The following TMEM132B variants were observed in gnomAD, a reference collection of about 807,000 sequenced individuals.
The protein encoded by TMEM132B is transmembrane protein 132B.
TMEM132B carries 18 observed loss-of-function variants against 90.8 expected under a neutral mutation model. The ratio of observed to expected loss-of-function variants is 0.20; its 90% CI spans 0.14 to 0.29. The LOEUF is 0.29. TMEM132B is among the 10% of genes least tolerant of loss of function. TMEM132B has a pLI of 1.00. For missense variants in TMEM132B, 1,096 were observed against 1,326.8 expected (o/e 0.83, Z 2.70); for synonymous variants, 504 against 523.3 (o/e 0.96, Z 0.50).
rs566113518 is a variant in TMEM132B at position 125,537,310 on chromosome 12, A to G, written c.1293+17685A>G. On this transcript the variant is annotated intron_variant, in intron 4 of 8. Transcript: ENST00000682704. ...GCATTAAAAACATTTCCCATAAAAC[A>G]CTGCAATAGGATAAATTTCCAAAAG... 2.6e-5 allele frequency among the ~76,000 whole-genome samples: 4 copies of G among 152,346 alleles called. 1 individual carries two copies. Among genetic ancestry groups the G allele is most frequent in the African/African-American group, 4.8e-5 (2 of 41,578 alleles).
rs138454206 is a variant in TMEM132B at position 125,375,874 on chromosome 12, T to G, written c.959+25531T>G. On this transcript the variant is annotated intron_variant, in intron 2 of 8. Transcript: ENST00000682704. Reference sequence around the variant, plus strand: ...GAATGACTTTTGTCTTCAAGTCATCTTAGAGGCCACCTAAAATCAGTCTGC... The same window carrying G: ...GAATGACTTTTGTCTTCAAGTCATCGTAGAGGCCACCTAAAATCAGTCTGC... 2.0e-5 allele frequency among the ~76,000 whole-genome samples: 3 copies of G among 152,360 alleles called. No homozygotes were observed. In the East Asian group the frequency reaches 5.8e-4, roughly 29 times the overall value.
intron 3 of TMEM132B, among the ~76,000 whole-genome samples, chr12:125,439,649 A>T (rs1475167383): frequency 6.6e-6 from 1 of 152,158 alleles, no homozygotes; most frequent in Non-Finnish European, 1.5e-5. Flanking sequence ...TCCTATTTGA[A>T]TGCCCTTTAT....
At chr12:125,454,692 T>C (rs2136457431) in intron 3 of TMEM132B, among the ~76,000 whole-genome samples, 1 of 152,386 alleles carries the variant, frequency 6.6e-6, no homozygotes, top group Admixed American at 6.5e-5. Context: ...CATTCCATTC[T>C]GGATGATCCT....
At chr12:125,198,388 CTTTT>C (rs1005223084) in intron 1 of TMEM132B, among the ~76,000 whole-genome samples, 9 of 152,330 alleles carry the variant, frequency 5.9e-5, no homozygotes, top group African/African-American at 1.9e-4. Flanking sequence ...TCTCTTAGTT[CTTTT>C]TCTCTCTGTG....
At chr12:125,613,757 T>C (rs1885920306) in intron 5 of TMEM132B, among the ~76,000 whole-genome samples, 1 of 152,046 alleles carries the variant, frequency 6.6e-6, no homozygotes, top group South Asian at 2.1e-4. Flanking sequence ...AATGCATTAT[T>C]ATAATTAGAC....
At chr12:125,470,534 G>T (rs1881686249) in intron 3 of TMEM132B, among the ~76,000 whole-genome samples, 1 of 152,168 alleles carries the variant, frequency 6.6e-6, no homozygotes, top group Non-Finnish European at 1.5e-5. Context: ...GTCTGTCTTT[G>T]TTTAACCGAG....
At chr12:125,345,248 T>C (rs981956471) in intron 1 of TMEM132B, among the ~76,000 whole-genome samples, 1 of 152,168 alleles carries the variant, frequency 6.6e-6, no homozygotes, top group Non-Finnish European at 1.5e-5. Flanking sequence ...TCAGAAATGT[T>C]GTGGGCCTGT....
chr12:125,485,687 T>C (rs1882183107), intron 3 of TMEM132B, among the ~76,000 whole-genome samples: 1 of 152,176 alleles, frequency 6.6e-6, no homozygotes, highest in African/African-American at 2.4e-5. Flanking sequence ...TTCCATCCAT[T>C]AAGTTAACAG....
chr12:125,229,978 G>T (rs1184558510), intron 1 of TMEM132B, among the ~76,000 whole-genome samples: 1 of 152,234 alleles, frequency 6.6e-6, no homozygotes, highest in Admixed American at 6.5e-5. Flanking sequence ...AAAATGCCGG[G>T]GCAGGAGCAG....
chr12:125,576,029 T>C (rs1028275619), intron 4 of TMEM132B, among the ~76,000 whole-genome samples: 2 of 152,126 alleles, frequency 1.3e-5, no homozygotes, highest in Non-Finnish European at 2.9e-5. Context: ...AGCTGGAATT[T>C]TGATAGCAAT....
intron 4 of TMEM132B, among the ~76,000 whole-genome samples, chr12:125,544,877 G>A (rs1299879824): frequency 3.3e-5 from 5 of 152,206 alleles, no homozygotes; most frequent in Non-Finnish European, 7.3e-5. Flanking sequence ...AAATAATATA[G>A]TAAGTGTTGA....
At chr12:125,462,516 T>G (rs1286154811) in intron 3 of TMEM132B, among the ~76,000 whole-genome samples, 1 of 152,144 alleles carries the variant, frequency 6.6e-6, no homozygotes, top group African/African-American at 2.4e-5. Flanking sequence ...GGTTAGAGTG[T>G]GTAAAACACA....
At chr12:125,634,793 C>T (rs909694246) in intron 5 of TMEM132B, among the ~76,000 whole-genome samples, 1 of 152,142 alleles carries the variant, frequency 6.6e-6, no homozygotes, top group Non-Finnish European at 1.5e-5. Context: ...AGTTGCTATC[C>T]AAGATGCAAG....
intron 2 of TMEM132B, among the ~76,000 whole-genome samples, chr12:125,368,190 A>G (rs949725497): frequency 2.0e-5 from 3 of 152,130 alleles, no homozygotes; most frequent in African/African-American, 7.2e-5. Flanking sequence ...TGGCACTTTT[A>G]AGATGACAGA....
chr12:125,426,264 C>T (rs913910744), intron 3 of TMEM132B, among the ~76,000 whole-genome samples: 1 of 152,100 alleles, frequency 6.6e-6, no homozygotes, highest in African/African-American at 2.4e-5. Context: ...GGTGTCTGTT[C>T]AAGTCTTTTG....
chr12:125,441,359 AG>A (rs1566037565), intron 3 of TMEM132B, among the ~76,000 whole-genome samples: 1 of 152,252 alleles, frequency 6.6e-6, no homozygotes, highest in Non-Finnish European at 1.5e-5. Flanking sequence ...TGCAAACAAA[AG>A]GTTTCCAAGT....
At chr12:125,383,874 A>G (rs1878751659) in intron 2 of TMEM132B, among the ~76,000 whole-genome samples, 1 of 152,244 alleles carries the variant, frequency 6.6e-6, no homozygotes, top group African/African-American at 2.4e-5. Context: ...AAGGTTGAAG[A>G]AATTAACAAC....
At chr12:125,217,525 C>G (rs1873464304) in intron 1 of TMEM132B, among the ~76,000 whole-genome samples, 1 of 152,212 alleles carries the variant, frequency 6.6e-6, no homozygotes, top group Non-Finnish European at 1.5e-5. Flanking sequence ...CAGTTCATTG[C>G]AGCCTTGACC....
intron 4 of TMEM132B, among the ~76,000 whole-genome samples, chr12:125,567,091 G>A (rs1032643651): frequency 2.6e-5 from 4 of 151,968 alleles, no homozygotes; most frequent in African/African-American, 7.3e-5. Flanking sequence ...TGATCTGCCC[G>A]CCTTGGCCTC....
Sources: allele counts gnomAD v4.1 joint callset (sites outside exome capture counted in the v4.1 genomes callset), GRCh38; gene constraint gnomAD v4.1.1; transcripts MANE v1.5; gene names NCBI Gene and HGNC (gene_info 2026-07-23, HGNC 2026-07-21).